The following TNIP1 variants were observed in gnomAD, a reference collection of about 807,000 sequenced individuals.
TNIP1 encodes TNFAIP3 interacting protein 1, also known as TNFAIP3-interacting protein 1.
Under a neutral mutation model 86.6 loss-of-function variants are expected in TNIP1, and 22 were observed. The observed-to-expected ratio is 0.25, with a 90% confidence interval of 0.18 to 0.36. The LOEUF (loss-of-function observed/expected upper bound fraction) is 0.36. Among genes scored for constraint, TNIP1 ranks in the 10% least tolerant of loss-of-function variants. TNIP1 has a pLI of 1.00. For synonymous variants in TNIP1, 294 were observed against 313.0 expected (o/e 0.94, Z 0.64); for missense variants, 709 against 820.6 (o/e 0.86, Z 1.66).
intron 1 of TNIP1, among the ~76,000 whole-genome samples, chr5:151,077,265 C>T (rs1763499141): frequency 6.6e-6 from 1 of 152,230 alleles, no homozygotes; most frequent in African/African-American, 2.4e-5. Flanking sequence ...GAGGGCAGAG[C>T]TGACAATCCA....
At chr5:151,052,112 C>T in intron 7 of TNIP1, 53 bp downstream of exon 7, 2 of 1,537,064 alleles carry the variant, frequency 1.3e-6, no homozygotes, top group Non-Finnish European at 1.8e-6. Flanking sequence ...CACACCAGCC[C>T]CTCCTCCTGC....
At chr5:151,044,952 G>A (rs907147231) in intron 9 of TNIP1, among the ~76,000 whole-genome samples, 4 of 152,222 alleles carry the variant, frequency 2.6e-5, no homozygotes, top group Non-Finnish European at 4.4e-5. Flanking sequence ...CCTGGCCATC[G>A]CCTTAATGGA....
chr5:151,041,433 C>G (rs755808456), intron 11 of TNIP1, among the ~76,000 whole-genome samples: 5 of 152,198 alleles, frequency 3.3e-5, no homozygotes, highest in Non-Finnish European at 5.9e-5. Context: ...TGCAGTGGCA[C>G]AATCACAGCT....
intron 17 of TNIP1, 74 bp downstream of exon 17, chr5:151,032,213 C>T (rs1561797053): frequency 7.5e-7 from 1 of 1,341,862 alleles, no homozygotes; most frequent in Admixed American, 2.1e-5. Context: ...ACATCACCCC[C>T]AAACTCAGGC....
At chr5:151,067,276 T>C (rs1172519190) in intron 1 of TNIP1, among the ~76,000 whole-genome samples, 4 of 152,280 alleles carry the variant, frequency 2.6e-5, no homozygotes, top group African/African-American at 7.2e-5. Flanking sequence ...CTCAAAAATG[T>C]TGGCAGACAT....
chr5:151,086,334 C>G (rs1764275618), intron 1 of TNIP1, among the ~76,000 whole-genome samples: 1 of 152,160 alleles, frequency 6.6e-6, no homozygotes, highest in Non-Finnish European at 1.5e-5. Context: ...GTCTGCCTGC[C>G]CTTGGCCCAC....
chr5:151,052,838 C>T (rs1045637192), intron 6 of TNIP1, among the ~76,000 whole-genome samples: 1 of 152,224 alleles, frequency 6.6e-6, no homozygotes, highest in Non-Finnish European at 1.5e-5. Flanking sequence ...CTCTTGTTCA[C>T]TGCCAGATCC....
At chr5:151,049,390 C>A (rs1194000338) in intron 8 of TNIP1, among the ~76,000 whole-genome samples, 1 of 152,184 alleles carries the variant, frequency 6.6e-6, no homozygotes, top group Non-Finnish European at 1.5e-5. Flanking sequence ...TCCAGAGACA[C>A]AATCCCAGGA....
At chr5:151,064,844 A>AG (rs1420114544) in intron 2 of TNIP1, 116 bp downstream of exon 2, 2 of 1,457,308 alleles carry the variant, frequency 1.4e-6, no homozygotes, top group African/African-American at 2.8e-5. Flanking sequence ...CAGGAGGGAC[A>AG]GGGGATGACT....
At chr5:151,050,198 A>G (rs979812393) in intron 7 of TNIP1, among the ~76,000 whole-genome samples, 4 of 152,350 alleles carry the variant, frequency 2.6e-5, no homozygotes, top group South Asian at 4.1e-4. Context: ...GACCTTCCGG[A>G]TATATCCAAA....
At chr5:151,038,984 C>T in intron 12 of TNIP1, 113 bp downstream of exon 12, 1 of 1,405,424 alleles carries the variant, frequency 7.1e-7, no homozygotes, top group Non-Finnish European at 9.4e-7. Flanking sequence ...TGCCAGCTCA[C>T]TGACTGGGGG....
At chr5:151,059,128 T>C (rs1761058676) in intron 5 of TNIP1, among the ~76,000 whole-genome samples, 1 of 152,316 alleles carries the variant, frequency 6.6e-6, no homozygotes. Context: ...ACAGGGAGGC[T>C]GTGTTGTCTT....
At chr5:151,074,259 T>G (rs1434182238) in intron 1 of TNIP1, among the ~76,000 whole-genome samples, 1 of 152,112 alleles carries the variant, frequency 6.6e-6, no homozygotes, top group Non-Finnish European at 1.5e-5. Context: ...TCTAAAAAAT[T>G]TAAGTGAGCT....
intron 1 of TNIP1, among the ~76,000 whole-genome samples, chr5:151,070,315 TCAGCATTTGACACA>T (rs1762693725): frequency 6.6e-6 from 1 of 152,220 alleles, no homozygotes. Context: ...AGTAACTAGC[TCAGCATTTGACACA>T]CAGCAGGTGC....
rs1170165448 is a variant in TNIP1 at position 151,060,409 on chromosome 5, A to C, written c.358-14T>G. 6.2e-7 allele frequency: 1 copy of C among 1,613,946 alleles called. No homozygotes were observed. The highest frequency in any genetic ancestry group is 1.7e-5 in the Admixed American group (1 of 60,026). ...AGAGGAGGTGCCCTGTGCAGAAAGG[A>C]AGTTAGGTGCTGCCCGAGAGAAAAA... On this transcript the variant is annotated splice_polypyrimidine_tract_variant and intron_variant, in intron 4 of 17. Coordinates refer to ENST00000521591, the MANE Select transcript of TNIP1 (RefSeq NM_006058.5).
At chr5:151,081,222 C>T (rs1763999528), upstream of TNIP1, 1 of 152,256 alleles carries the variant, frequency 6.6e-6, no homozygotes, top group Middle Eastern at 3.1e-3. Flanking sequence ...CGGCCTTCCC[C>T]TCTAGGAGCG....
At chr5:151,057,980 C>A (rs1039304297) in intron 5 of TNIP1, among the ~76,000 whole-genome samples, 1 of 152,190 alleles carries the variant, frequency 6.6e-6, no homozygotes, top group Non-Finnish European at 1.5e-5. Flanking sequence ...TACCAAGGGA[C>A]ATCTGCATAT....
At chr5:151,082,144 C>G (rs751412222), upstream of TNIP1, among the ~76,000 whole-genome samples, 1 of 152,148 alleles carries the variant, frequency 6.6e-6, no homozygotes, top group Admixed American at 6.5e-5. Flanking sequence ...ACCCATCAAT[C>G]AACTGTGACT....
chr5:151,080,698 G>A (rs1216066965), intron 1 of TNIP1, among the ~76,000 whole-genome samples, 182 bp downstream of exon 1: 1 of 152,208 alleles, frequency 6.6e-6, no homozygotes, highest in African/African-American at 2.4e-5. Flanking sequence ...CCAGCGCCAA[G>A]CAGGGAGTAG....
Sources: allele counts gnomAD v4.1 joint callset (sites outside exome capture counted in the v4.1 genomes callset), GRCh38; gene constraint gnomAD v4.1.1; transcripts MANE v1.5; gene names NCBI Gene and HGNC (gene_info 2026-07-23, HGNC 2026-07-21).